Variants in QSOX2 observed in about 807,000 individuals in gnomAD.
QSOX2 encodes the protein sulfhydryl oxidase 2.
Under a neutral mutation model 61.7 loss-of-function variants are expected in QSOX2, and 46 were observed. That is an observed-to-expected ratio of 0.75 (90% CI 0.59 to 0.95). QSOX2 has a LOEUF of 0.95. QSOX2 is among the 40% of genes least tolerant of loss of function. The pLI is 0.00. For missense variants in QSOX2, 879 were observed against 918.9 expected (o/e 0.96, Z 0.56); for synonymous variants, 383 against 388.4 (o/e 0.99, Z 0.16).
chr9:136,221,781 C>G lies in QSOX2; in HGVS notation c.821+15G>C. Reference sequence around the variant, plus strand: ...CGAGCGGCACGGAGTTCCCAGACCCCACCCGGGCACTCACACGTTAATCAA... The same window carrying G: ...CGAGCGGCACGGAGTTCCCAGACCCGACCCGGGCACTCACACGTTAATCAA... On this transcript the variant is annotated intron_variant, in intron 6 of 11. Coordinates refer to ENST00000358701, the MANE Select transcript of QSOX2 (RefSeq NM_181701.4). The surrounding 1 kb of genome is among the most constrained non-coding windows in gnomAD (Gnocchi z 4.5). 6.3e-7 allele frequency: 1 copy of G among 1,581,686 alleles called. No homozygotes were observed. Among genetic ancestry groups the G allele is most frequent in the Non-Finnish European group, 8.6e-7 (1 of 1,161,222 alleles).
At chr9:136,233,073 AC>A (rs1830347136) in intron 1 of QSOX2, among the ~76,000 whole-genome samples, 1 of 152,172 alleles carries the variant, frequency 6.6e-6, no homozygotes, top group African/African-American at 2.4e-5. Context: ...AGGAGCGAGC[AC>A]CAGTCGGGAG....
At chr9:136,238,491 G>A (rs1376182219) in intron 1 of QSOX2, among the ~76,000 whole-genome samples, 1 of 152,196 alleles carries the variant, frequency 6.6e-6, no homozygotes, top group Non-Finnish European at 1.5e-5. Context: ...GGAACCCTGA[G>A]CTGGCCTTCC....
chr9:136,215,075 A>T, intron 10 of QSOX2, 79 bp downstream of exon 10: 1 of 1,521,840 alleles, frequency 6.6e-7, no homozygotes, highest in Non-Finnish European at 8.9e-7. Flanking sequence ...ATACAGCAGT[A>T]CATGCCTTTG....
intron 8 of QSOX2, among the ~76,000 whole-genome samples, chr9:136,217,393 C>T (rs925231634): frequency 5.3e-5 from 8 of 152,202 alleles, no homozygotes; most frequent in African/African-American, 1.9e-4. Flanking sequence ...CAATGCCAGA[C>T]CAGAAACACC....
rs1230139430 is a variant in QSOX2, at chr9:136,222,087, T to C, written c.676-146A>G. 2.6e-6 allele frequency: 2 copies of C among 761,962 alleles called. No individual in the cohort carries two copies. Among genetic ancestry groups the C allele is most frequent in the African/African-American group, 3.9e-5 (2 of 51,892 alleles). The allele number at this position is 761,962 out of a possible 1,614,324, so 47.2% of individuals were successfully genotyped here. On this transcript the variant is annotated intron_variant, in intron 5 of 11. Transcript: ENST00000358701. This position sits in a 1 kb window ranked among gnomAD's most constrained non-coding sequence, Gnocchi z 6.9. ...GCAGGCAAGACCCTCACTCAAATCTTCACTCTCATTGCACTTTAAGGCAAC... is the reference window on the plus strand; with the variant it reads ...GCAGGCAAGACCCTCACTCAAATCTCCACTCTCATTGCACTTTAAGGCAAC...
chr9:136,227,398 C>A (rs1361062166), intron 1 of QSOX2, among the ~76,000 whole-genome samples: 2 of 152,188 alleles, frequency 1.3e-5, no homozygotes, highest in Non-Finnish European at 2.9e-5. Context: ...CCAGACACTG[C>A]CCGCAAACCC....
chr9:136,214,582 T>C (rs1831886389), intron 10 of QSOX2, among the ~76,000 whole-genome samples: 1 of 152,166 alleles, frequency 6.6e-6, no homozygotes, highest in South Asian at 2.1e-4. Flanking sequence ...CAGGCCCTGC[T>C]CTCTGCCCCA....
At position 136,223,222 on chromosome 9, in the gene QSOX2, T is replaced by C. The variant is rs1830243073; in HGVS notation, c.675+541A>G. 6.6e-6 allele frequency among the ~76,000 whole-genome samples: 1 copy of C among 152,156 alleles called. No individual in the cohort carries two copies. The highest frequency in any genetic ancestry group is 2.4e-5 in the African/African-American group (1 of 41,424). On this transcript the variant is annotated intron_variant, in intron 5 of 11. Coordinates refer to ENST00000358701, the MANE Select transcript of QSOX2 (RefSeq NM_181701.4). The surrounding 1 kb of genome is among the most constrained non-coding windows in gnomAD (Gnocchi z 4.4). ...TGTGCAGTGAGGCCTTTCTCTCGTCTCCGGGAAGACTGTCAGCAATAATGA... is the reference window on the plus strand; with the variant it reads ...TGTGCAGTGAGGCCTTTCTCTCGTCCCCGGGAAGACTGTCAGCAATAATGA...
At chr9:136,227,809 TA>T (rs891375224) in intron 1 of QSOX2, among the ~76,000 whole-genome samples, 7 of 148,294 alleles carry the variant, frequency 4.7e-5, no homozygotes, top group African/African-American at 4.9e-5. Context: ...ACCCTGTCTC[TA>T]AAAAAAAAAT....
At chr9:136,243,439 G>A (rs1352375648) in intron 1 of QSOX2, among the ~76,000 whole-genome samples, 1 of 152,150 alleles carries the variant, frequency 6.6e-6, no homozygotes, top group Non-Finnish European at 1.5e-5. Flanking sequence ...ATTTCTCTTT[G>A]CTGACTTCAA....
At chr9:136,216,758 C>T in intron 8 of QSOX2, 36 bp from the exon 9 acceptor site, 4 of 1,610,154 alleles carry the variant, frequency 2.5e-6, no homozygotes, top group Non-Finnish European at 3.4e-6. Context: ...AGCTACAGAC[C>T]CAAACCCGGG....
At chr9:136,243,997 C>G (rs773002057) in intron 1 of QSOX2, among the ~76,000 whole-genome samples, 1 of 151,914 alleles carries the variant, frequency 6.6e-6, no homozygotes, top group Non-Finnish European at 1.5e-5. Context: ...TGTGCTGCTT[C>G]GGTTACAGAA....
At chr9:136,216,467 G>A (rs1181920071) in intron 9 of QSOX2, 133 bp downstream of exon 9, 7 of 1,232,564 alleles carry the variant, frequency 5.7e-6, no homozygotes, top group Non-Finnish European at 8.0e-6. Flanking sequence ...CTGTCGTGGA[G>A]ACAGTAAGTC....
At chr9:136,226,694 G>C in intron 2 of QSOX2, 80 bp downstream of exon 2, 1 of 1,184,938 alleles carries the variant, frequency 8.4e-7, no homozygotes, top group East Asian at 2.3e-5. Context: ...AATTTCAACA[G>C]ACAAGCAGCC....
chr9:136,241,248 C>T (rs1588642490), intron 1 of QSOX2, among the ~76,000 whole-genome samples: 1 of 152,240 alleles, frequency 6.6e-6, no homozygotes, highest in Non-Finnish European at 1.5e-5. Flanking sequence ...ACTCTTCCTC[C>T]TTCCACCCTC....
chr9:136,209,371 G>A lies in QSOX2; in HGVS notation c.1550-96C>T, dbSNP rs551383402. 5.3e-5 allele frequency: 81 copies of A among 1,539,580 alleles called. No homozygotes were observed. Among genetic ancestry groups the A allele is most frequent in the African/African-American group, 2.2e-4 (16 of 73,010 alleles). On this transcript the variant is annotated intron_variant, in intron 11 of 11. Transcript: ENST00000358701. This position sits in a 1 kb window ranked among gnomAD's most constrained non-coding sequence, Gnocchi z 5.6. ...CCGGACTCCCACTCCCACCCACCAC[G>A]GGCCTCCACTGCCCTGGCCCAGGGT...
At chr9:136,212,725 C>T (rs1054419966) in intron 10 of QSOX2, among the ~76,000 whole-genome samples, 4 of 152,252 alleles carry the variant, frequency 2.6e-5, no homozygotes, top group Admixed American at 1.3e-4. Flanking sequence ...TCACCGCAGG[C>T]GCGGGGCCAC....
intron 1 of QSOX2, 120 bp downstream of exon 1, chr9:136,245,356 C>A (rs1588643750): frequency 3.6e-6 from 3 of 832,170 alleles, no homozygotes; most frequent in East Asian, 5.9e-5. Flanking sequence ...ACTGGCTCTG[C>A]GGTAAGGAAA....
intron 2 of QSOX2, among the ~76,000 whole-genome samples, chr9:136,225,843 G>A (rs1314786570): frequency 6.6e-6 from 1 of 152,250 alleles, no homozygotes; most frequent in Admixed American, 6.5e-5. Context: ...CAGAAAGAGG[G>A]CCCGAAAGTT....
Sources: gnomAD v4.1 joint callset for allele counts (sites outside exome capture counted in the v4.1 genomes callset) on GRCh38, gnomAD v4.1.1 for gene constraint, Gnocchi (gnomAD v3.1) non-coding constraint, MANE v1.5 for transcripts, NCBI Gene and HGNC (gene_info 2026-07-23, HGNC 2026-07-21) for gene names.